CACHD1: variants seen among roughly 807,000 people sequenced by gnomAD.
CACHD1 encodes cache domain containing 1, also known as VWFA and cache domain-containing protein 1.
A neutral mutation model predicts 138.7 loss-of-function variants in CACHD1; 71 were observed. That is an observed-to-expected ratio of 0.51 (90% CI 0.42 to 0.62). The LOEUF (loss-of-function observed/expected upper bound fraction) is 0.62. Ranked by LOEUF, CACHD1 falls within the 20% of genes least tolerant of loss-of-function variation. The probability of loss-of-function intolerance (pLI) is 0.00; values close to 1 mark genes in which losing one functional copy is unlikely to be tolerated. For synonymous variants in CACHD1, 578 were observed against 591.5 expected (o/e 0.98, Z 0.33); for missense variants, 1,389 against 1,625.3 (o/e 0.85, Z 2.50).
intron 1 of CACHD1, among the ~76,000 whole-genome samples, chr1:64,497,987 C>T (rs769132478): frequency 1.3e-4 from 20 of 152,196 alleles, no homozygotes; most frequent in African/African-American, 2.4e-4. Flanking sequence ...ATTAGCTGGG[C>T]GTGGTGGTGC....
intron 1 of CACHD1, among the ~76,000 whole-genome samples, chr1:64,506,878 G>T (rs1392795261): frequency 6.6e-6 from 1 of 152,182 alleles, no homozygotes; most frequent in Non-Finnish European, 1.5e-5. Context: ...TCCCCCATTA[G>T]AGCATGTTTT....
chr1:64,494,694 AG>A (rs1434667012), intron 1 of CACHD1, among the ~76,000 whole-genome samples: 1 of 152,212 alleles, frequency 6.6e-6, no homozygotes, highest in Non-Finnish European at 1.5e-5. Flanking sequence ...TTGCTAGGAA[AG>A]GGGGGAAAAT....
At chr1:64,521,700 T>C (rs759851895) in intron 1 of CACHD1, among the ~76,000 whole-genome samples, 9 of 152,222 alleles carry the variant, frequency 5.9e-5, no homozygotes, top group Non-Finnish European at 1.3e-4. Flanking sequence ...TAGATATACA[T>C]TTTCATTTCT....
intron 7 of CACHD1, among the ~76,000 whole-genome samples, chr1:64,635,471 C>T (rs1648492423): frequency 6.6e-6 from 1 of 150,846 alleles, no homozygotes; most frequent in Non-Finnish European, 1.5e-5. Context: ...GCAACCTCCA[C>T]CTCCCGGGTT....
chr1:64,668,606 A>G (rs1013302413), intron 16 of CACHD1, among the ~76,000 whole-genome samples: 1 of 152,182 alleles, frequency 6.6e-6, no homozygotes, highest in Non-Finnish European at 1.5e-5. Context: ...ACTAGAATAT[A>G]ATAAGAGCAA....
intron 7 of CACHD1, among the ~76,000 whole-genome samples, chr1:64,638,826 A>G (rs1648607810): frequency 6.6e-6 from 1 of 152,214 alleles, no homozygotes. Flanking sequence ...AAAAGGGAAT[A>G]TCCCAATGCA....
intron 3 of CACHD1, among the ~76,000 whole-genome samples, chr1:64,599,359 C>T (rs867325925): frequency 2.6e-5 from 4 of 152,030 alleles, no homozygotes; most frequent in South Asian, 2.1e-4. Context: ...AGTTAAGAAG[C>T]AGAATGGCAT....
chr1:64,673,854 A>G (rs1649897982), intron 19 of CACHD1, among the ~76,000 whole-genome samples: 2 of 152,198 alleles, frequency 1.3e-5, no homozygotes, highest in Non-Finnish European at 2.9e-5. Flanking sequence ...AGGCCAAGTT[A>G]GGTCAGTTCT....
chr1:64,679,369 T>C (rs1650093888), intron 23 of CACHD1, among the ~76,000 whole-genome samples: 2 of 152,244 alleles, frequency 1.3e-5, no homozygotes, highest in African/African-American at 4.8e-5. Context: ...TTGCCATTTG[T>C]GCTCCTGCTC....
chr1:64,653,577 G>A (rs930257912), intron 10 of CACHD1, among the ~76,000 whole-genome samples, 181 bp from the exon 11 acceptor site: 2 of 152,010 alleles, frequency 1.3e-5, no homozygotes, highest in South Asian at 2.1e-4. Flanking sequence ...ATCTTTCTAC[G>A]CCTCAAGAGT....
chr1:64,511,649 C>T (rs1646421587), intron 1 of CACHD1, among the ~76,000 whole-genome samples: 1 of 152,226 alleles, frequency 6.6e-6, no homozygotes, highest in Non-Finnish European at 1.5e-5. Flanking sequence ...CTGCAGAAGA[C>T]AATCTGTTCC....
chr1:64,550,780 G>A, intron 2 of CACHD1, 124 bp downstream of exon 2: 1 of 623,692 alleles, frequency 1.6e-6, no homozygotes. Context: ...AATTTCACGT[G>A]CATCTCATGC....
chr1:64,680,891 G>A (rs933718115), intron 24 of CACHD1, among the ~76,000 whole-genome samples: 1 of 152,186 alleles, frequency 6.6e-6, no homozygotes, highest in Non-Finnish European at 1.5e-5. Context: ...GTTAGCTTAT[G>A]CCTGGCCTTT....
chr1:64,526,737 T>C (rs937581006), intron 1 of CACHD1, among the ~76,000 whole-genome samples: 3 of 152,264 alleles, frequency 2.0e-5, no homozygotes, highest in Non-Finnish European at 4.4e-5. Flanking sequence ...CTTCTAGGCG[T>C]CTGGCGCCCT....
At chr1:64,625,106 G>A (rs1287766579) in intron 4 of CACHD1, among the ~76,000 whole-genome samples, 1 of 152,166 alleles carries the variant, frequency 6.6e-6, no homozygotes, top group Non-Finnish European at 1.5e-5. Context: ...GTCGATCACT[G>A]TACCAGACTG....
At chr1:64,666,243 G>A (rs552162552) in intron 16 of CACHD1, 76 bp downstream of exon 16, 99 of 860,212 alleles carry the variant, frequency 1.2e-4, no homozygotes, top group African/African-American at 9.4e-4. Context: ...AGAAGAGTAC[G>A]CGCACCAAGG....
chr1:64,499,267 T>C (rs970529230), intron 1 of CACHD1, among the ~76,000 whole-genome samples: 8 of 152,224 alleles, frequency 5.3e-5, no homozygotes, highest in Admixed American at 4.6e-4. Context: ...TCTTCACCAT[T>C]GCGTTAAAGG....
At chr1:64,589,731 C>T (rs1321881592) in intron 3 of CACHD1, among the ~76,000 whole-genome samples, 1 of 152,104 alleles carries the variant, frequency 6.6e-6, no homozygotes, top group African/African-American at 2.4e-5. Flanking sequence ...CAACTTTACT[C>T]ATCACCTATT....
chr1:64,661,192 T>G (rs778213380), intron 13 of CACHD1, among the ~76,000 whole-genome samples: 1 of 152,156 alleles, frequency 6.6e-6, no homozygotes, highest in Non-Finnish European at 1.5e-5. Flanking sequence ...TTCAGTGATG[T>G]GGGGGTTTAG....
Sources: gnomAD v4.1 joint callset for allele counts (sites outside exome capture counted in the v4.1 genomes callset) on GRCh38, gnomAD v4.1.1 for gene constraint, MANE v1.5 for transcripts, NCBI Gene and HGNC (gene_info 2026-07-23, HGNC 2026-07-21) for gene names.